Variants in ETV1 observed in about 807,000 individuals in gnomAD.
The protein encoded by ETV1 is ETS translocation variant 1.
A neutral mutation model predicts 62.3 loss-of-function variants in ETV1; 27 were observed. The observed-to-expected ratio is 0.43, with a 90% confidence interval of 0.32 to 0.60. The LOEUF is 0.60. ETV1 is among the 20% of genes least tolerant of loss of function. ETV1 has a pLI of 0.06. For synonymous variants in ETV1, 222 were observed against 199.6 expected (o/e 1.11, Z -0.94); for missense variants, 605 against 605.8 (o/e 1.00, Z 0.01).
intron 4 of ETV1, among the ~76,000 whole-genome samples, chr7:13,987,663 G>T (rs908555961): frequency 6.6e-6 from 1 of 152,134 alleles, no homozygotes; most frequent in African/African-American, 2.4e-5. Context: ...TGTAAAGGAG[G>T]TGGGAAACCA....
At position 13,958,545 on chromosome 7, in the gene ETV1, C is replaced by T. The variant is rs186343306; in HGVS notation, c.235+18882G>A. Among the ~76,000 whole-genome samples the T allele has an allele frequency of 7.2e-4, 109 of 152,258 alleles. 1 individual carries two copies. Among genetic ancestry groups the T allele is most frequent in the Non-Finnish European group, 1.8e-4 (12 of 68,008 alleles). ...GCACACATGTATTAAAAATTAGGTG[C>T]CAAGGAAGATCGTTCCAGTTCTGTC... On this transcript the variant is annotated intron_variant, in intron 6 of 13. Coordinates refer to ENST00000430479, the MANE Select transcript of ETV1 (RefSeq NM_004956.5).
chr7:13,949,091 A>T (rs1440565144), intron 6 of ETV1, among the ~76,000 whole-genome samples: 2 of 152,160 alleles, frequency 1.3e-5, no homozygotes, highest in Non-Finnish European at 2.9e-5. Context: ...TATAACTGAA[A>T]AAGTCAAAAC....
chr7:13,946,606 A>T (rs897094619), intron 6 of ETV1, among the ~76,000 whole-genome samples: 11 of 152,182 alleles, frequency 7.2e-5, no homozygotes, highest in African/African-American at 2.7e-4. Context: ...GAAAGAGGGC[A>T]CAATCTTGTC....
chr7:13,893,839 T>C lies in ETV1; in HGVS notation c.*2027A>G, dbSNP rs1404608616. 2 of 233,016 alleles carry C rather than the reference T, an allele frequency of 8.6e-6. No individual in the cohort carries two copies. The highest frequency in any genetic ancestry group is 4.4e-5 in the African/African-American group (2 of 45,320). 14.4% of individuals were successfully genotyped at this position (233,016 alleles called of 1,614,324 possible). A position where few individuals can be genotyped will look rare whatever the true frequency, so the allele number is the denominator to read the frequency against. ...ACATAAGCATAGTGGGGAGAAAAGG[T>C]TCTGATTTTTAAGGCATAGTTTTCT... On this transcript the variant is annotated 3_prime_UTR_variant, in exon 14 of 14. Transcript: ENST00000430479.
chr7:13,932,784 A>G (rs1316885765), intron 8 of ETV1, among the ~76,000 whole-genome samples: 2 of 152,220 alleles, frequency 1.3e-5, no homozygotes, highest in African/African-American at 4.8e-5. Context: ...ATATAAGCCT[A>G]ATAACCCCCC....
intron 8 of ETV1, 60 bp from the exon 9 acceptor site, chr7:13,931,809 C>A (rs901858705): frequency 1.9e-6 from 3 of 1,581,524 alleles, no homozygotes; most frequent in South Asian, 1.1e-5. Flanking sequence ...CTTTAAAATA[C>A]GGATACGGTT....
At chr7:13,970,894 C>G (rs1780830310) in intron 6 of ETV1, among the ~76,000 whole-genome samples, 1 of 151,562 alleles carries the variant, frequency 6.6e-6, no homozygotes, top group African/African-American at 2.4e-5. Context: ...AGATTTGTAA[C>G]AGTAATCTAA....
intron 6 of ETV1, among the ~76,000 whole-genome samples, chr7:13,975,330 A>T (rs1781320206): frequency 6.6e-6 from 1 of 152,060 alleles, no homozygotes; most frequent in African/African-American, 2.4e-5. Flanking sequence ...GCGGATCACG[A>T]GGTCAGGAGA....
intron 9 of ETV1, 66 bp downstream of exon 9, chr7:13,931,436 C>A: frequency 6.3e-7 from 1 of 1,593,244 alleles, no homozygotes. Flanking sequence ...GATACCAACA[C>A]TAACCAATGT....
At chr7:13,986,575 G>C (rs1026845771) in intron 5 of ETV1, 63 bp downstream of exon 5, 8 of 1,603,926 alleles carry the variant, frequency 5.0e-6, no homozygotes, top group Middle Eastern at 1.7e-4. Context: ...AGCAAGTTCA[G>C]GACTTCTTTT....
At chr7:13,973,952 T>G (rs1781152753) in intron 6 of ETV1, among the ~76,000 whole-genome samples, 1 of 152,200 alleles carries the variant, frequency 6.6e-6, no homozygotes, top group South Asian at 2.1e-4. Context: ...TGATCATGAA[T>G]GCAATGATAA....
At chr7:13,922,851 C>G (rs1785009991) in intron 9 of ETV1, among the ~76,000 whole-genome samples, 1 of 151,986 alleles carries the variant, frequency 6.6e-6, no homozygotes. Flanking sequence ...TATGTGTGCC[C>G]CAATTGTTCA....
intron 5 of ETV1, among the ~76,000 whole-genome samples, chr7:13,983,552 G>C (rs576702930): frequency 5.0e-4 from 75 of 150,358 alleles, no homozygotes; most frequent in South Asian, 2.9e-3. Flanking sequence ...AATCAATAAA[G>C]AATTGCACAT....
rs374965463 is a variant in ETV1 at position 13,904,624 on chromosome 7, C to T, written c.1110+1806G>A. On this transcript the variant is annotated intron_variant, in intron 12 of 13. Transcript: ENST00000430479. ...AACAAATATATGGCAGGAACAACAA[C>T]AAAAACCTCTGCTCAGTTCATTTTA... Among the ~76,000 whole-genome samples, 25 of 152,074 alleles carry T rather than the reference C, an allele frequency of 1.6e-4. No individual in the cohort carries two copies. In the East Asian group the frequency reaches 3.5e-3, roughly 21 times the overall value.
At chr7:13,986,607 T>G (rs530406922) in intron 5 of ETV1, 31 bp downstream of exon 5, 5 of 1,610,724 alleles carry the variant, frequency 3.1e-6, no homozygotes, top group Non-Finnish European at 4.2e-6. Context: ...TAGAGTTGCT[T>G]TCCCCCCTTT....
At chr7:13,898,094 G>T (rs1255122615) in intron 13 of ETV1, among the ~76,000 whole-genome samples, 1 of 152,084 alleles carries the variant, frequency 6.6e-6, no homozygotes, top group Non-Finnish European at 1.5e-5. Context: ...TACTTCATTT[G>T]CTGGACTATG....
intron 13 of ETV1, 70 bp from the exon 14 acceptor site, chr7:13,896,157 G>T: frequency 7.4e-7 from 1 of 1,343,140 alleles, no homozygotes; most frequent in African/African-American, 1.5e-5. Flanking sequence ...GAAGGAAAAA[G>T]CCAAAAACGT....
upstream of ETV1, chr7:13,989,723 A>T (rs1162912457): frequency 2.0e-5 from 8 of 397,752 alleles, no homozygotes; most frequent in Non-Finnish European, 2.2e-5. Flanking sequence ...CCTCCAATCC[A>T]AACTGATGGA....
intron 9 of ETV1, among the ~76,000 whole-genome samples, chr7:13,921,188 A>AT: frequency 6.6e-6 from 1 of 152,336 alleles, no homozygotes; most frequent in East Asian, 1.9e-4. Context: ...GAGAAAATGT[A>AT]GCCATAAGCA....
Sources: gnomAD v4.1 joint callset for allele counts (sites outside exome capture counted in the v4.1 genomes callset) on GRCh38, gnomAD v4.1.1 for gene constraint, MANE v1.5 for transcripts, NCBI Gene and HGNC (gene_info 2026-07-23, HGNC 2026-07-21) for gene names.